The following HESX1 variants were observed in gnomAD, a reference collection of about 807,000 sequenced individuals.
HESX1 encodes homeobox expressed in ES cells 1.
Under a neutral mutation model 22.5 loss-of-function variants are expected in HESX1, and 11 were observed. The ratio of observed to expected loss-of-function variants is 0.49; its 90% confidence interval spans 0.31 to 0.81. The LOEUF (loss-of-function observed/expected upper bound fraction) is 0.81, where lower values mean the gene tolerates loss of function less well. Among genes scored for constraint, HESX1 ranks in the 30% least tolerant of loss-of-function variants. The pLI is 0.05. For missense variants in HESX1, 201 were observed against 212.6 expected, an observed-to-expected ratio of 0.95 and a Z score of 0.34; for synonymous variants, 74 against 76.5, an observed-to-expected ratio of 0.97 and a Z score of 0.17.
At chr3:57,214,730 G>A (rs1459341897) in intron 1 of HESX1, among the ~76,000 whole-genome samples, 1 of 152,184 alleles carries the variant, frequency 6.6e-6, no homozygotes, top group Non-Finnish European at 1.5e-5. Flanking sequence ...CTGAGGCAGA[G>A]ATGTTTCAAG....
Position 57,199,958 on chromosome 3 carries a change from C to T in HESX1, c.-40G>A, listed in dbSNP as rs2060475279. On this transcript the variant is annotated 5_prime_UTR_variant, in exon 1 of 4. Transcript: ENST00000295934. Reference sequence around the variant, plus strand: ...CACAGAGCAACAGCTCTGGCCTCTGCTGGCTCTGCCCCACGTGTATAGGGC... The same window carrying T: ...CACAGAGCAACAGCTCTGGCCTCTGTTGGCTCTGCCCCACGTGTATAGGGC... 3 of 1,600,440 alleles carry T rather than the reference C, an allele frequency of 1.9e-6. No homozygotes were observed. The highest frequency in any genetic ancestry group is 1.1e-5 in the South Asian group (1 of 90,804).
upstream of HESX1, among the ~76,000 whole-genome samples, chr3:57,201,953 C>G (rs1360284432): frequency 6.6e-6 from 1 of 151,716 alleles, no homozygotes; most frequent in African/African-American, 2.4e-5. Context: ...GAGTCTTGCT[C>G]TGTCGCCCAG....
At chr3:57,220,938 T>C (rs1294245137) in intron 1 of HESX1, among the ~76,000 whole-genome samples, 3 of 152,218 alleles carry the variant, frequency 2.0e-5, no homozygotes, top group African/African-American at 7.2e-5. Context: ...TCCTGTCATC[T>C]TGGGCTCTGC....
At chr3:57,209,246 C>A (rs905832757) in intron 1 of HESX1, among the ~76,000 whole-genome samples, 1 of 152,208 alleles carries the variant, frequency 6.6e-6, no homozygotes, top group African/African-American at 2.4e-5. Context: ...GACAGACACA[C>A]ATGGCTAGCG....
Position 57,198,083 on chromosome 3 carries a change from G to T in HESX1, c.*114C>A, listed in dbSNP as rs747701312. ...TTTACAATATATTTTCAGAAAAAATGACAATATTCAGATTAAATGCAGGAA... is the reference window on the plus strand; with the variant it reads ...TTTACAATATATTTTCAGAAAAAATTACAATATTCAGATTAAATGCAGGAA... On this transcript the variant is annotated 3_prime_UTR_variant, in exon 4 of 4. Transcript: ENST00000295934. 2.6e-5 allele frequency: 20 copies of T among 762,728 alleles called. No homozygotes were observed. The highest frequency in any genetic ancestry group is 4.3e-5 in the Non-Finnish European group (19 of 443,930). 47.2% of individuals were successfully genotyped at this position (762,728 alleles called of 1,614,324 possible).
chr3:57,201,927 C>CTATCTATCTATA (rs1553632879), upstream of HESX1, among the ~76,000 whole-genome samples: 2 of 128,716 alleles, frequency 1.6e-5, no homozygotes, highest in African/African-American at 6.1e-5. Context: ...ATCTATCTAT[C>CTATCTATCTATA]TATTTTTTTG....
At chr3:57,199,982 G>T, upstream of HESX1, 2 of 1,454,330 alleles carry the variant, frequency 1.4e-6, no homozygotes, top group Non-Finnish European at 1.9e-6. Flanking sequence ...CGTGTATAGG[G>T]CTGGGATCTT....
intron 1 of HESX1, among the ~76,000 whole-genome samples, chr3:57,209,744 G>A (rs536579635): frequency 6.6e-6 from 1 of 151,024 alleles, no homozygotes; most frequent in South Asian, 2.1e-4. Context: ...GTTTTGTTCT[G>A]ACATAAGAAC....
chr3:57,200,405 G>C (rs1019154035), upstream of HESX1, among the ~76,000 whole-genome samples: 2 of 152,062 alleles, frequency 1.3e-5, no homozygotes, highest in African/African-American at 2.4e-5. Context: ...TTTCTTCCAA[G>C]GAAATGGGAA....
chr3:57,217,604 G>A (rs1161241210), intron 1 of HESX1, among the ~76,000 whole-genome samples: 1 of 151,984 alleles, frequency 6.6e-6, no homozygotes, highest in East Asian at 1.9e-4. Flanking sequence ...TGACACCCCA[G>A]ACCTAGCCAT....
chr3:57,208,953 G>A (rs963699627), intron 1 of HESX1, among the ~76,000 whole-genome samples: 1 of 151,020 alleles, frequency 6.6e-6, no homozygotes, highest in Non-Finnish European at 1.5e-5. Flanking sequence ...GAGTGAGACT[G>A]TATCTAAAAA....
chr3:57,202,067 C>T (rs982377607), upstream of HESX1, among the ~76,000 whole-genome samples: 23 of 151,610 alleles, frequency 1.5e-4, no homozygotes, highest in Admixed American at 2.6e-4. Context: ...TACAGGCGCC[C>T]GCCACCACGC....
intron 1 of HESX1, among the ~76,000 whole-genome samples, chr3:57,214,131 A>G (rs1414463768): frequency 6.6e-6 from 1 of 152,168 alleles, no homozygotes; most frequent in Non-Finnish European, 1.5e-5. Flanking sequence ...AAAGACACTG[A>G]AGTATTTACA....
chr3:57,212,353 G>C (rs1392700857), intron 1 of HESX1, among the ~76,000 whole-genome samples: 1 of 152,042 alleles, frequency 6.6e-6, no homozygotes, highest in Non-Finnish European at 1.5e-5. Flanking sequence ...GAGGTCAAGA[G>C]ATCGAGACCA....
At chr3:57,208,042 C>T (rs976349368) in intron 1 of HESX1, among the ~76,000 whole-genome samples, 2 of 152,104 alleles carry the variant, frequency 1.3e-5, no homozygotes. Flanking sequence ...AGTGTATTCC[C>T]TCAGCCCATT....
At chr3:57,215,932 C>T (rs1326745154) in intron 1 of HESX1, among the ~76,000 whole-genome samples, 1 of 152,202 alleles carries the variant, frequency 6.6e-6, no homozygotes, top group African/African-American at 2.4e-5. Flanking sequence ...CTCAAACTTA[C>T]TTAAAAGTTG....
chr3:57,221,696 T>C lies in HESX1; in HGVS notation c.-111+4600A>G, dbSNP rs190437400. The stretch of plus-strand genomic sequence containing the variant: ...ATCTCGGCTCACTGCAAACTCTGCC[T>C]CCCGGGTTCAAGCGATTCTCCTGCC... On this transcript the variant is annotated intron_variant, in intron 1 of 2. Transcript: ENST00000495160. Among the ~76,000 whole-genome samples, 27 of 152,212 alleles carry C rather than the reference T, an allele frequency of 1.8e-4. 2 individuals are homozygous for C. The highest frequency in any genetic ancestry group is 1.6e-3 in the Admixed American group (24 of 15,290).
chr3:57,212,776 G>C (rs1338373962), intron 1 of HESX1, among the ~76,000 whole-genome samples: 1 of 152,026 alleles, frequency 6.6e-6, no homozygotes, highest in Non-Finnish European at 1.5e-5. Context: ...ACTTAAATAG[G>C]AGGATGCACA....
intron 1 of HESX1, among the ~76,000 whole-genome samples, chr3:57,208,351 A>T (rs202054240): frequency 3.8e-4 from 25 of 65,430 alleles, no homozygotes; most frequent in African/African-American, 8.4e-4. Context: ...CTACAACTTG[A>T]TTGATTGATT....
Sources: gnomAD v4.1 joint callset for allele counts (sites outside exome capture counted in the v4.1 genomes callset) on GRCh38, gnomAD v4.1.1 for gene constraint, MANE v1.5 for transcripts, NCBI Gene and HGNC (gene_info 2026-07-23, HGNC 2026-07-21) for gene names.